NAGLU: variants seen among roughly 807,000 people sequenced by gnomAD.
NAGLU encodes alpha-N-acetylglucosaminidase.
Under a neutral mutation model 43.4 loss-of-function variants are expected in NAGLU, and 34 were observed. The observed-to-expected ratio is 0.78, with a 90% CI of 0.60 to 1.04. NAGLU has a LOEUF of 1.04. Ranked by LOEUF, NAGLU falls within the 50% of genes least tolerant of loss-of-function variation. The pLI is 0.00. For synonymous variants in NAGLU, 425 were observed against 437.6 expected (o/e 0.97, Z 0.36); for missense variants, 910 against 993.7 (o/e 0.92, Z 1.13).
At chr17:42,539,476 GCATGACC>G (rs1177261785) in intron 4 of NAGLU, among the ~76,000 whole-genome samples, 1 of 152,184 alleles carries the variant, frequency 6.6e-6, no homozygotes, top group Non-Finnish European at 1.5e-5. Flanking sequence ...CTAGTGCCCC[GCATGACC>G]TCCTTTGCAC....
Position 42,540,709 on chromosome 17 carries a change from A to G in NAGLU, c.765-241A>G, listed in dbSNP as rs569201903. ...AGACTCTGCCTCAAAAAAAAAAAAA[A>G]AAAGAAAGAAAAAGGAGCGTTGCTT... is the stretch of plus-strand genomic sequence containing the variant. On this transcript the variant is annotated intron_variant, in intron 4 of 5. Coordinates refer to ENST00000225927, the MANE Select transcript of NAGLU (RefSeq NM_000263.4). 7.1e-4 allele frequency among the ~76,000 whole-genome samples: 108 copies of G among 151,722 alleles called. No individual in the cohort carries two copies. In the Middle Eastern group the frequency reaches 0.01, roughly 14 times the overall value.
chr17:42,541,059 G>C lies in NAGLU; in HGVS notation c.874G>C (p.Gly292Arg), dbSNP rs1358994052. Residue 292 changes from glycine (G) to arginine (R), a missense_variant, in exon 5 of 6, where the codon GGG becomes CGG. Gly to Arg is a moderately radical substitution (Grantham distance 125, BLOSUM62 -2). Coordinates refer to ENST00000225927, the MANE Select transcript of NAGLU (RefSeq NM_000263.4). The part of the protein sequence containing the change: ...APEDPIFPII[G>R]SLFLRELIKE... ...GGAAGACCCCATATTCCCCATCATCGGGAGCCTCTTCCTGCGAGAGCTGAT... is the reference window on the plus strand; with the variant it reads ...GGAAGACCCCATATTCCCCATCATCCGGAGCCTCTTCCTGCGAGAGCTGAT... The C allele has an allele frequency of 1.2e-6, 2 of 1,613,970 alleles. No individual in the cohort carries two copies. The highest frequency in any genetic ancestry group is 2.7e-5 in the African/African-American group (2 of 74,878).
chr17:42,536,942 C>T, intron 1 of NAGLU: 3 of 570,048 alleles, frequency 5.3e-6, no homozygotes, highest in South Asian at 2.6e-5. Flanking sequence ...ATTTTCTTGC[C>T]TTCCTCCCCC....
chr17:42,542,701 C>T (rs1444140682), intron 5 of NAGLU, among the ~76,000 whole-genome samples: 1 of 152,240 alleles, frequency 6.6e-6, no homozygotes, highest in Non-Finnish European at 1.5e-5. Flanking sequence ...CCCACATTGG[C>T]CAGGCTGGTC....
chr17:42,539,215 C>T (rs1031912751), intron 4 of NAGLU, among the ~76,000 whole-genome samples: 3 of 152,230 alleles, frequency 2.0e-5, no homozygotes, highest in African/African-American at 7.2e-5. Context: ...CATGACTGCT[C>T]TGTGCCTCAG....
At chr17:42,537,032 A>G (rs2092908284) in intron 1 of NAGLU, 1 of 448,128 alleles carries the variant, frequency 2.2e-6, no homozygotes, top group Admixed American at 3.5e-5. Flanking sequence ...CGCCTGCCAC[A>G]CTATGGAGTG....
intron 4 of NAGLU, 56 bp from the exon 5 acceptor site, chr17:42,540,894 T>G (rs1029538769): frequency 5.6e-6 from 9 of 1,613,890 alleles, no homozygotes; most frequent in African/African-American, 1.3e-5. Flanking sequence ...TGTTGAACAC[T>G]ATGGTGAACA....
intron 4 of NAGLU, among the ~76,000 whole-genome samples, chr17:42,539,885 G>A (rs368665875): frequency 5.3e-5 from 8 of 152,080 alleles, no homozygotes; most frequent in Admixed American, 2.6e-4. Context: ...AGGCTGAGGC[G>A]TATGGATCAC....
Position 42,538,702 on chromosome 17 carries a change from C to A in NAGLU, c.711C>A (p.Gly237=). Residue 237 remains glycine, a synonymous_variant, in exon 4 of 6, where the codon GGC becomes GGA. Coordinates refer to ENST00000225927, the MANE Select transcript of NAGLU (RefSeq NM_000263.4). The part of the protein sequence containing the change: ...HRVLDQMRSF[G]MTPVLPAFAG... ...TCCTGGACCAGATGCGCTCCTTCGG[C>A]ATGACCCCAGTGCTGCCTGCATTCG... The A allele has an allele frequency of 6.2e-7, 1 of 1,614,048 alleles. No homozygotes were observed. Among genetic ancestry groups the A allele is most frequent in the African/African-American group, 1.3e-5 (1 of 75,064 alleles).
chr17:42,536,855 C>A, intron 1 of NAGLU, 200 bp downstream of exon 1: 1 of 1,065,852 alleles, frequency 9.4e-7, no homozygotes, highest in Non-Finnish European at 1.2e-6. Flanking sequence ...AAAGAAGACG[C>A]CTACCGTGCA....
chr17:42,541,134 A>G lies in NAGLU; in HGVS notation c.949A>G (p.Met317Val). 1 of 1,614,028 alleles carries G rather than the reference A, an allele frequency of 6.2e-7. No homozygotes were observed. The change falls in exon 5 of 6, where the codon ATG becomes GTG. Residue 317 changes from methionine (M) to valine (V), a missense_variant. Transcript: ENST00000225927. ...HIYGADTFNE[M>V]QPPSSEPSYL... ...CTATGGGGCCGACACTTTCAATGAG[A>G]TGCAGCCACCTTCCTCAGAGCCCTC... is the stretch of plus-strand genomic sequence containing the variant.
chr17:42,538,591 T>C, intron 3 of NAGLU, 79 bp from the exon 4 acceptor site: 2 of 1,612,064 alleles, frequency 1.2e-6, no homozygotes, highest in Non-Finnish European at 8.5e-7. Context: ...GGCGGGGGGC[T>C]GCGTGTATCC....
rs1232821300 is a variant in NAGLU, at chr17:42,543,164, G to C, written c.1158G>C (p.Glu386Asp). Residue 386 changes from glutamate (E) to aspartate (D), a missense_variant, in exon 6 of 6, where the codon GAG becomes GAC. Coordinates refer to ENST00000225927, the MANE Select transcript of NAGLU (RefSeq NM_000263.4). ...TCCTGGTTCTGGACCTGTTTGCTGA[G>C]AGCCAGCCTGTGTATACCCGCACTG... ...GRLLVLDLFA[E>D]SQPVYTRTAS... 3.7e-6 allele frequency: 6 copies of C among 1,614,146 alleles called. 2 individuals are homozygous for C. In the South Asian group the frequency reaches 6.6e-5, roughly 18 times the overall value.
Position 42,543,730 on chromosome 17 carries a change from A to G in NAGLU, c.1724A>G (p.Tyr575Cys), listed in dbSNP as rs756802151. 1 of 1,611,842 alleles carries G rather than the reference A, an allele frequency of 6.2e-7. No homozygotes were observed. Among genetic ancestry groups the G allele is most frequent in the Admixed American group, 1.7e-5 (1 of 60,020 alleles). The part of the protein sequence containing the change: ...RQAVQELVSL[Y>C]YEEARSAYLS... ...GCAGTGCAGGAGCTGGTCAGCTTGTACTATGAGGAGGCAAGAAGCGCCTAC... is the reference window on the plus strand; with the variant it reads ...GCAGTGCAGGAGCTGGTCAGCTTGTGCTATGAGGAGGCAAGAAGCGCCTAC... The change falls in exon 6 of 6, where the codon TAC becomes TGC. Residue 575 changes from tyrosine to cysteine, a missense_variant. Coordinates refer to ENST00000225927, the MANE Select transcript of NAGLU (RefSeq NM_000263.4).
rs1555622589 is a variant in NAGLU at position 42,544,164 on chromosome 17, C to T, written c.2158C>T (p.Arg720Ter). 5 of 1,613,712 alleles carry T rather than the reference C, an allele frequency of 3.1e-6. No homozygotes were observed. The highest frequency in any genetic ancestry group is 4.2e-6 in the Non-Finnish European group (5 of 1,180,044). ...CAAGCAGAGGTACCCCAGCCAGCCG[C>T]GAGGAGACACTGTGGACCTGGCCAA... The part of the protein sequence containing the change: ...LSKQRYPSQP[R>*]GDTVDLAKKI... Residue 720 changes from arginine to a stop codon, truncating the protein, a stop_gained, in exon 6 of 6, where the codon CGA becomes TGA. Transcript: ENST00000225927. LOFTEE classifies it high-confidence loss of function.
chr17:42,537,752 C>G (rs1038941090), intron 2 of NAGLU, among the ~76,000 whole-genome samples: 1 of 151,704 alleles, frequency 6.6e-6, no homozygotes, highest in African/African-American at 2.4e-5. Flanking sequence ...CCTAGGCGGG[C>G]GGATCAGGAG....
Position 42,536,531 on chromosome 17 carries a change from G to T in NAGLU, c.259G>T (p.Ala87Ser), listed in dbSNP as rs1455536725. The part of the protein sequence containing the change: ...VRGSTGVAAA[A>S]GLHRYLRDFC... ...CGGCTCCACGGGCGTGGCGGCCGCC[G>T]CGGGGCTGCACCGCTACCTGCGCGA... The change falls in exon 1 of 6, where the codon GCG (alanine) becomes TCG (serine). Residue 87 changes from alanine (A) to serine (S), a missense_variant. Coordinates refer to ENST00000225927, the MANE Select transcript of NAGLU (RefSeq NM_000263.4). 49 of 1,351,106 alleles carry T rather than the reference G, an allele frequency of 3.6e-5. No homozygotes were observed. The highest frequency in any genetic ancestry group is 4.6e-5 in the African/African-American group (3 of 65,872). 83.7% of individuals were successfully genotyped at this position (1,351,106 alleles called of 1,614,324 possible).
intron 4 of NAGLU, among the ~76,000 whole-genome samples, chr17:42,540,621 G>C (rs1173471613): frequency 6.6e-6 from 1 of 151,128 alleles, no homozygotes; most frequent in African/African-American, 2.4e-5. Flanking sequence ...GCATGAACCT[G>C]GGAGGCAGAG....
Position 42,538,434 on chromosome 17 carries a change from C to T in NAGLU, c.627C>T (p.Thr209=). The T allele has an allele frequency of 6.2e-7, 1 of 1,614,210 alleles. No individual in the cohort carries two copies. The highest frequency in any genetic ancestry group is 1.3e-5 in the African/African-American group (1 of 75,070). Residue 209 remains threonine, a synonymous_variant, in exon 3 of 6, where the codon ACC becomes ACT. Coordinates refer to ENST00000225927, the MANE Select transcript of NAGLU (RefSeq NM_000263.4). The stretch of plus-strand genomic sequence containing the variant: ...GGGGGCGAATGGGCAACCTGCACAC[C>T]TGGGATGGCCCCCTGCCCCCCTCCT... The part of the protein sequence containing the change: ...LAWGRMGNLH[T]WDGPLPPSWH...
Sources: allele counts gnomAD v4.1 joint callset (sites outside exome capture counted in the v4.1 genomes callset), GRCh38; gene constraint gnomAD v4.1.1; transcripts MANE v1.5; gene names NCBI Gene and HGNC (gene_info 2026-07-23, HGNC 2026-07-21).